Variants in GRIA1 observed in about 807,000 individuals in gnomAD.
The protein encoded by GRIA1 is glutamate receptor 1.
GRIA1 carries 31 observed loss-of-function variants against 99.2 expected under a neutral mutation model. That is an observed-to-expected ratio of 0.31 (90% confidence interval 0.23 to 0.42). The LOEUF is 0.42. GRIA1 is among the 10% of genes least tolerant of loss of function. The pLI is 1.00. For missense variants in GRIA1, 782 were observed against 1,157.5 expected (o/e 0.68, Z 4.71); for synonymous variants, 438 against 432.4 (o/e 1.01, Z -0.16).
intron 2 of GRIA1, among the ~76,000 whole-genome samples, chr5:153,635,507 C>T (rs938014203): frequency 6.6e-6 from 1 of 152,228 alleles, no homozygotes; most frequent in Non-Finnish European, 1.5e-5. Flanking sequence ...CCTACCAGGG[C>T]TCTTTAGTGA....
chr5:153,741,346 G>A (rs115151692), intron 11 of GRIA1, among the ~76,000 whole-genome samples: 1 of 152,204 alleles, frequency 6.6e-6, no homozygotes, highest in East Asian at 1.9e-4. Context: ...CAATATGGAG[G>A]TTCCTTAGAA....
At chr5:153,673,728 G>A (rs1023374427) in intron 5 of GRIA1, among the ~76,000 whole-genome samples, 4 of 152,212 alleles carry the variant, frequency 2.6e-5, no homozygotes, top group Non-Finnish European at 1.5e-5. Flanking sequence ...CCATAGATAT[G>A]AAAGTACTGC....
At chr5:153,532,195 A>G (rs926977115) in intron 2 of GRIA1, among the ~76,000 whole-genome samples, 5 of 152,250 alleles carry the variant, frequency 3.3e-5, no homozygotes, top group Non-Finnish European at 5.9e-5. Context: ...TTCCCCAAAG[A>G]TCATCCCCAA....
chr5:153,746,171 T>C (rs373351960), intron 11 of GRIA1, among the ~76,000 whole-genome samples: 3 of 133,564 alleles, frequency 2.2e-5, no homozygotes, highest in African/African-American at 8.5e-5. Flanking sequence ...CGGAAAGAGC[T>C]GAGTGTCCCT....
chr5:153,760,347 A>C (rs1377008897), intron 11 of GRIA1, among the ~76,000 whole-genome samples: 1 of 152,110 alleles, frequency 6.6e-6, no homozygotes, highest in Non-Finnish European at 1.5e-5. Context: ...GCAGGGTATA[A>C]AATCAAAATA....
intron 11 of GRIA1, among the ~76,000 whole-genome samples, chr5:153,723,990 G>T (rs777212546): frequency 6.6e-6 from 1 of 152,088 alleles, no homozygotes; most frequent in Non-Finnish European, 1.5e-5. Flanking sequence ...ACTGGGAGGC[G>T]CCCCCCAGTA....
At chr5:153,557,122 C>G (rs1760718402) in intron 2 of GRIA1, among the ~76,000 whole-genome samples, 1 of 152,128 alleles carries the variant, frequency 6.6e-6, no homozygotes, top group Non-Finnish European at 1.5e-5. Flanking sequence ...ATGAATGGAG[C>G]TTGCAGAACT....
chr5:153,534,147 C>A (rs1280430193), intron 2 of GRIA1, among the ~76,000 whole-genome samples: 1 of 152,304 alleles, frequency 6.6e-6, no homozygotes, highest in East Asian at 1.9e-4. Context: ...TGTTACAAAG[C>A]AAGTTGGAAG....
intron 7 of GRIA1, among the ~76,000 whole-genome samples, chr5:153,683,388 ACC>A (rs1355801814): frequency 6.6e-6 from 1 of 152,056 alleles, no homozygotes; most frequent in Non-Finnish European, 1.5e-5. Flanking sequence ...GTTACCCTTG[ACC>A]TCTCAATGAC....
intron 11 of GRIA1, among the ~76,000 whole-genome samples, chr5:153,717,708 C>G (rs1469336258): frequency 2.0e-5 from 3 of 152,306 alleles, no homozygotes; most frequent in Non-Finnish European, 4.4e-5. Context: ...GGAAGTAGCT[C>G]TCAACTTCCT....
intron 4 of GRIA1, among the ~76,000 whole-genome samples, chr5:153,653,574 G>C (rs1368172912): frequency 6.6e-6 from 1 of 152,194 alleles, no homozygotes; most frequent in African/African-American, 2.4e-5. Context: ...AAATTAGTTA[G>C]AAGTGAGAAT....
chr5:153,500,786 C>T lies in GRIA1; in HGVS notation c.220+6721C>T, dbSNP rs1263206908. ...ATATATGTATATATTTGTATACACACACACACACCCCACACACCTTCCTGT... is the reference window on the plus strand; with the variant it reads ...ATATATGTATATATTTGTATACACATACACACACCCCACACACCTTCCTGT... On this transcript the variant is annotated intron_variant, in intron 2 of 15. Transcript: ENST00000285900. 2.6e-5 allele frequency among the ~76,000 whole-genome samples: 4 copies of T among 152,218 alleles called. 1 individual carries two copies. The highest frequency in any genetic ancestry group is 9.6e-5 in the African/African-American group (4 of 41,526).
chr5:153,782,043 T>C (rs887095923), intron 13 of GRIA1, among the ~76,000 whole-genome samples: 1 of 152,102 alleles, frequency 6.6e-6, no homozygotes, highest in Non-Finnish European at 1.5e-5. Context: ...AAGAAACAAA[T>C]CCACAGTGCA....
At chr5:153,798,355 G>A (rs1407021641) in intron 14 of GRIA1, among the ~76,000 whole-genome samples, 1 of 152,186 alleles carries the variant, frequency 6.6e-6, no homozygotes, top group African/African-American at 2.4e-5. Flanking sequence ...AAAGCCTACT[G>A]TAGCAGAAAA....
intron 13 of GRIA1, among the ~76,000 whole-genome samples, chr5:153,793,812 G>A (rs549819377): frequency 2.0e-5 from 3 of 152,344 alleles, no homozygotes; most frequent in East Asian, 3.9e-4. Context: ...TGGAGCAGGT[G>A]TCTGTGGTCC....
chr5:153,564,158 T>A (rs1761407722), intron 2 of GRIA1, among the ~76,000 whole-genome samples: 1 of 152,160 alleles, frequency 6.6e-6, no homozygotes, highest in African/African-American at 2.4e-5. Context: ...GGTGCCAACA[T>A]CAGGCCAACT....
At chr5:153,793,087 A>G (rs1765405000) in intron 13 of GRIA1, among the ~76,000 whole-genome samples, 1 of 152,230 alleles carries the variant, frequency 6.6e-6, no homozygotes, top group Non-Finnish European at 1.5e-5. Flanking sequence ...CTGTGAGTCA[A>G]AAGTGTTTCC....
At chr5:153,671,040 A>G (rs1287081547) in intron 5 of GRIA1, among the ~76,000 whole-genome samples, 2 of 152,164 alleles carry the variant, frequency 1.3e-5, no homozygotes, top group African/African-American at 4.8e-5. Context: ...TTTACTTAAC[A>G]TCATAGCTAT....
intron 2 of GRIA1, among the ~76,000 whole-genome samples, chr5:153,568,407 C>A (rs543633147): frequency 3.3e-5 from 5 of 152,244 alleles, no homozygotes; most frequent in African/African-American, 1.2e-4. Context: ...CCTTGATAGT[C>A]CCTAGTTAAT....
Sources: allele counts gnomAD v4.1 joint callset (sites outside exome capture counted in the v4.1 genomes callset), GRCh38; gene constraint gnomAD v4.1.1; transcripts MANE v1.5; gene names NCBI Gene and HGNC (gene_info 2026-07-23, HGNC 2026-07-21).